ITFG1: variants seen among roughly 807,000 people sequenced by gnomAD.
The protein encoded by ITFG1 is integrin alpha FG-GAP repeat containing 1, also known as T-cell immunomodulatory protein.
ITFG1 carries 34 observed loss-of-function variants against 81.8 expected under a neutral mutation model. The observed-to-expected ratio is 0.42, with a 90% CI of 0.32 to 0.55. The LOEUF (loss-of-function observed/expected upper bound fraction) is 0.55. Among genes scored for constraint, ITFG1 ranks in the 20% least tolerant of loss-of-function variants. The pLI, the probability that ITFG1 is intolerant of heterozygous loss-of-function variation, is 0.17. For synonymous variants in ITFG1, 285 were observed against 270.6 expected (o/e 1.05, Z -0.52); for missense variants, 672 against 755.4 (o/e 0.89, Z 1.29).
chr16:47,187,299 G>A (rs1373959610), intron 14 of ITFG1, among the ~76,000 whole-genome samples: 9 of 152,164 alleles, frequency 5.9e-5, no homozygotes, highest in East Asian at 1.9e-4. Flanking sequence ...AGCCCGCATC[G>A]CCAAGTCAAT....
At chr16:47,345,562 G>T (rs185538198) in intron 8 of ITFG1, among the ~76,000 whole-genome samples, 121 of 152,234 alleles carry the variant, frequency 7.9e-4, no homozygotes, top group African/African-American at 2.6e-3. Flanking sequence ...GCCTCCAAAA[G>T]TGCTGGAATT....
At chr16:47,354,139 C>T (rs1208720635) in intron 8 of ITFG1, among the ~76,000 whole-genome samples, 2 of 152,028 alleles carry the variant, frequency 1.3e-5, no homozygotes, top group Admixed American at 6.6e-5. Context: ...ACCATAATAC[C>T]TTACTTTAAA....
At chr16:47,225,709 CA>C (rs1409335169) in intron 13 of ITFG1, among the ~76,000 whole-genome samples, 1 of 152,002 alleles carries the variant, frequency 6.6e-6, no homozygotes, top group African/African-American at 2.4e-5. Flanking sequence ...AAATATCCTT[CA>C]AAAATGGGGG....
In ITFG1 at chr16:47,376,091, A is replaced by G. The variant is rs1198889036; in HGVS notation, c.656-151T>C. 1.2e-5 allele frequency: 6 copies of G among 501,162 alleles called. No individual in the cohort carries two copies. In the African/African-American group the frequency reaches 1.2e-4, roughly 10 times the overall value. 31.0% of individuals were successfully genotyped at this position (501,162 alleles called of 1,614,324 possible). On this transcript the variant is annotated intron_variant, in intron 6 of 17. Transcript: ENST00000320640. ...TATTTTAACAAGTTTCATCCCATTA[A>G]AAAAAAAAGCAGATGACCCTGCATT...
chr16:47,262,265 G>T (rs1966218560), intron 10 of ITFG1, among the ~76,000 whole-genome samples: 1 of 152,112 alleles, frequency 6.6e-6, no homozygotes, highest in Non-Finnish European at 1.5e-5. Flanking sequence ...AAACTCTCAG[G>T]TGACTTTGTT....
At chr16:47,445,030 T>G (rs1276705222) in intron 5 of ITFG1, among the ~76,000 whole-genome samples, 3 of 151,088 alleles carry the variant, frequency 2.0e-5, no homozygotes, top group Non-Finnish European at 2.9e-5. Flanking sequence ...CCCACTCCAG[T>G]GCATCCGAAT....
intron 14 of ITFG1, among the ~76,000 whole-genome samples, chr16:47,173,852 C>T (rs1964990318): frequency 6.6e-6 from 1 of 152,106 alleles, no homozygotes; most frequent in Non-Finnish European, 1.5e-5. Context: ...ACCAGCCTGA[C>T]CAACATGGTG....
chr16:47,387,869 A>T lies in ITFG1; in HGVS notation c.656-11929T>A, dbSNP rs140329601. Reference sequence around the variant, plus strand: ...GAAAACCAAAAACCTGGCAACAGACAGTGCTGTGAGAGGGACCAGATGTAA... The same window carrying T: ...GAAAACCAAAAACCTGGCAACAGACTGTGCTGTGAGAGGGACCAGATGTAA... On this transcript the variant is annotated intron_variant, in intron 6 of 17. Transcript: ENST00000320640. Among the ~76,000 whole-genome samples the T allele has an allele frequency of 7.9e-5, 12 of 152,312 alleles. No individual in the cohort carries two copies. The East Asian group carries it at 2.1e-3, about 27-fold the overall frequency.
intron 5 of ITFG1, among the ~76,000 whole-genome samples, chr16:47,446,057 AG>A (rs1252477469): frequency 3.9e-5 from 6 of 152,194 alleles, no homozygotes; most frequent in African/African-American, 1.4e-4. Flanking sequence ...GTTGTAAGAA[AG>A]AAAAAAAAAA....
chr16:47,324,979 G>A (rs184283343), intron 8 of ITFG1, among the ~76,000 whole-genome samples: 20 of 152,156 alleles, frequency 1.3e-4, no homozygotes, highest in Admixed American at 5.9e-4. Flanking sequence ...TGCACCAAGC[G>A]GACCTAATAG....
At chr16:47,277,330 C>G (rs1243425662) in intron 10 of ITFG1, among the ~76,000 whole-genome samples, 13 of 152,112 alleles carry the variant, frequency 8.5e-5, no homozygotes, top group Non-Finnish European at 1.5e-4. Context: ...GGTTCCAGGA[C>G]CAGCCCCCAG....
At chr16:47,322,406 AG>A (rs1304479517) in intron 8 of ITFG1, among the ~76,000 whole-genome samples, 1 of 152,166 alleles carries the variant, frequency 6.6e-6, no homozygotes, top group African/African-American at 2.4e-5. Flanking sequence ...ATATGAATAC[AG>A]GCCAAGCATG....
chr16:47,359,895 C>T (rs1968087642), intron 8 of ITFG1, among the ~76,000 whole-genome samples: 1 of 152,030 alleles, frequency 6.6e-6, no homozygotes, highest in South Asian at 2.1e-4. Flanking sequence ...CTAATAATTC[C>T]TTATTAATTT....
chr16:47,276,561 A>T (rs1476489161), intron 10 of ITFG1, among the ~76,000 whole-genome samples: 1 of 152,222 alleles, frequency 6.6e-6, no homozygotes, highest in Non-Finnish European at 1.5e-5. Flanking sequence ...GGACAAGAAT[A>T]GTCAAGACAA....
chr16:47,379,571 C>T lies in ITFG1; in HGVS notation c.656-3631G>A, dbSNP rs528664253. Among the ~76,000 whole-genome samples the T allele has an allele frequency of 1.8e-4, 27 of 151,940 alleles. No individual in the cohort carries two copies. In the South Asian group the frequency reaches 4.8e-3, roughly 27 times the overall value. On this transcript the variant is annotated intron_variant, in intron 6 of 17. Coordinates refer to ENST00000320640, the MANE Select transcript of ITFG1 (RefSeq NM_030790.5). ...GGCGTGGTGGTGTGCATCTGTAATC[C>T]CAGCTACTCAGGAGGCTGATGCAGA...
chr16:47,322,479 A>G (rs1967463487), intron 8 of ITFG1, among the ~76,000 whole-genome samples: 1 of 152,222 alleles, frequency 6.6e-6, no homozygotes, highest in Admixed American at 6.5e-5. Flanking sequence ...ACCTGAGGTC[A>G]GGAGTTCGAG....
intron 6 of ITFG1, among the ~76,000 whole-genome samples, chr16:47,408,820 A>G (rs1968762559): frequency 6.6e-6 from 1 of 152,204 alleles, no homozygotes. Flanking sequence ...CAAGCCTTTT[A>G]GTTTTAGGAC....
intron 8 of ITFG1, among the ~76,000 whole-genome samples, chr16:47,363,591 C>T (rs1024378903): frequency 6.6e-5 from 10 of 152,150 alleles, no homozygotes; most frequent in African/African-American, 2.4e-4. Flanking sequence ...ATCAATTTTA[C>T]ATGAACTCAA....
intron 6 of ITFG1, among the ~76,000 whole-genome samples, chr16:47,376,716 T>C (rs1467278493): frequency 1.3e-5 from 2 of 152,142 alleles, no homozygotes; most frequent in African/African-American, 2.4e-5. Context: ...GGCAGGGCGC[T>C]GTGGCTCACG....
Sources: allele counts gnomAD v4.1 joint callset (sites outside exome capture counted in the v4.1 genomes callset), GRCh38; gene constraint gnomAD v4.1.1; transcripts MANE v1.5; gene names NCBI Gene and HGNC (gene_info 2026-07-23, HGNC 2026-07-21).